Variants in ZNF536 observed in about 807,000 individuals in gnomAD.
The protein encoded by ZNF536 is zinc finger protein 536.
ZNF536 carries 13 observed loss-of-function variants against 84.5 expected under a neutral mutation model. The observed-to-expected ratio is 0.15, with a 90% CI of 0.10 to 0.24. The LOEUF (loss-of-function observed/expected upper bound fraction) is 0.24, where lower values mean the gene tolerates loss of function less well. Among genes scored for constraint, ZNF536 ranks in the 10% least tolerant of loss-of-function variants. The pLI is 1.00. For synonymous variants in ZNF536, 811 were observed against 742.5 expected, an observed-to-expected ratio of 1.09 and a Z score of -1.50; for missense variants, 1,536 against 1,747.5, an observed-to-expected ratio of 0.88 and a Z score of 2.16.
chr19:30,479,174 G>A lies in ZNF536; in HGVS notation c.2170+33442G>A, dbSNP rs1801942697. ...CAGTTTACTTTTCTCTCTCTCATCC[G>A]GAGCTCAATCGGTGTTGGGCACAAG... On this transcript the variant is annotated intron_variant, in intron 2 of 4. Coordinates refer to ENST00000355537, the MANE Select transcript of ZNF536 (RefSeq NM_014717.3). 3.3e-5 allele frequency among the ~76,000 whole-genome samples: 5 copies of A among 152,026 alleles called. No homozygotes were observed. In the South Asian group the frequency reaches 8.3e-4, roughly 25 times the overall value.
At chr19:30,281,623 G>A (rs2045447894) in intron 1 of ZNF536, among the ~76,000 whole-genome samples, 1 of 152,184 alleles carries the variant, frequency 6.6e-6, no homozygotes, top group Admixed American at 6.5e-5. Flanking sequence ...GGCCTCCTAA[G>A]CTCATCCATG....
intron 1 of ZNF536, among the ~76,000 whole-genome samples, chr19:30,242,324 A>G (rs2023995139): frequency 6.6e-6 from 1 of 152,094 alleles, no homozygotes; most frequent in African/African-American, 2.4e-5. Flanking sequence ...TTCACAAGGG[A>G]GTCTGTGATG....
chr19:30,251,473 G>A (rs1157567579), intron 1 of ZNF536, among the ~76,000 whole-genome samples: 2 of 152,130 alleles, frequency 1.3e-5, no homozygotes, highest in Non-Finnish European at 2.9e-5. Context: ...TCCTGCTGAT[G>A]GTTCCCAGGG....
chr19:30,261,697 CAAAAA>C (rs56820609), intron 1 of ZNF536, among the ~76,000 whole-genome samples: 7 of 99,914 alleles, frequency 7.0e-5, no homozygotes, highest in Admixed American at 2.1e-4. Context: ...GGACCTTGTC[CAAAAA>C]AAAAAAAAAA....
At chr19:30,482,073 A>G (rs1383900416) in intron 2 of ZNF536, among the ~76,000 whole-genome samples, 1 of 152,176 alleles carries the variant, frequency 6.6e-6, no homozygotes, top group Non-Finnish European at 1.5e-5. Context: ...ATCAGTGGGT[A>G]CTTAGGTTGA....
chr19:30,643,072 G>T (rs572496559), intron 1 of ZNF536, among the ~76,000 whole-genome samples: 6 of 152,192 alleles, frequency 3.9e-5, no homozygotes, highest in Non-Finnish European at 8.8e-5. Context: ...CATAAGTAAA[G>T]CCAGATTTGC....
chr19:30,413,703 G>A (rs949224316), intron 1 of ZNF536, among the ~76,000 whole-genome samples: 2 of 152,086 alleles, frequency 1.3e-5, no homozygotes, highest in African/African-American at 4.8e-5. Flanking sequence ...TTTGCATTAT[G>A]TATTTTATAG....
intron 1 of ZNF536, among the ~76,000 whole-genome samples, chr19:30,702,276 C>T (rs1409747648): frequency 6.6e-6 from 1 of 152,254 alleles, no homozygotes; most frequent in Non-Finnish European, 1.5e-5. Context: ...ACCCTCCGCA[C>T]TGTATACATA....
At chr19:30,235,894 C>T (rs1170359335) in intron 1 of ZNF536, among the ~76,000 whole-genome samples, 6 of 152,264 alleles carry the variant, frequency 3.9e-5, no homozygotes, top group African/African-American at 1.2e-4. Context: ...GCTATTTCAG[C>T]AGCCTTAAAT....
At chr19:30,625,684 G>T (rs2048649121) in intron 1 of ZNF536, among the ~76,000 whole-genome samples, 1 of 152,142 alleles carries the variant, frequency 6.6e-6, no homozygotes, top group South Asian at 2.1e-4. Flanking sequence ...CATTCAGGGA[G>T]CTCCCCAGCC....
chr19:30,646,936 T>A (rs1173771655), intron 1 of ZNF536, among the ~76,000 whole-genome samples: 1 of 152,148 alleles, frequency 6.6e-6, no homozygotes, highest in African/African-American at 2.4e-5. Context: ...TCCTAATCTC[T>A]TCATAGTAAT....
chr19:30,352,647 C>T (rs2047968669), intron 3 of ZNF536, among the ~76,000 whole-genome samples: 2 of 152,272 alleles, frequency 1.3e-5, no homozygotes, highest in South Asian at 4.2e-4. Flanking sequence ...GATAGGAGTC[C>T]CGTACCTGCC....
At chr19:30,469,405 C>A (rs551376055) in intron 2 of ZNF536, among the ~76,000 whole-genome samples, 2 of 151,890 alleles carry the variant, frequency 1.3e-5, no homozygotes, top group Admixed American at 1.3e-4. Flanking sequence ...GAGTGAGACT[C>A]CATCTCAAAA....
chr19:30,685,093 T>C (rs2051122371), intron 1 of ZNF536, among the ~76,000 whole-genome samples: 1 of 152,182 alleles, frequency 6.6e-6, no homozygotes, highest in South Asian at 2.1e-4. Flanking sequence ...CCCCTTATCC[T>C]TTTGGATAAC....
chr19:30,694,542 A>C (rs1020665196), intron 1 of ZNF536, among the ~76,000 whole-genome samples: 1 of 152,214 alleles, frequency 6.6e-6, no homozygotes, highest in Non-Finnish European at 1.5e-5. Context: ...GGCAGCGGGA[A>C]TAAGTGGGAC....
intron 1 of ZNF536, among the ~76,000 whole-genome samples, chr19:30,699,424 T>G (rs2051800903): frequency 6.6e-6 from 1 of 152,220 alleles, no homozygotes; most frequent in South Asian, 2.1e-4. Context: ...AAGTACATTT[T>G]TTTTTGGGTA....
At chr19:30,308,056 C>A (rs942471940) in intron 2 of ZNF536, among the ~76,000 whole-genome samples, 1 of 152,168 alleles carries the variant, frequency 6.6e-6, no homozygotes, top group Admixed American at 6.5e-5. Context: ...TATGCTAAGG[C>A]CTGTATTAAC....
At chr19:30,634,612 C>T (rs1042463795) in intron 1 of ZNF536, among the ~76,000 whole-genome samples, 2 of 152,110 alleles carry the variant, frequency 1.3e-5, no homozygotes, top group African/African-American at 4.8e-5. Flanking sequence ...GATGATAAAA[C>T]ACCATTGATT....
chr19:30,493,998 A>T (rs2054614599), intron 2 of ZNF536, among the ~76,000 whole-genome samples: 1 of 152,188 alleles, frequency 6.6e-6, no homozygotes, highest in African/African-American at 2.4e-5. Context: ...TAGTTAAAAT[A>T]TTAATAGCAA....
Sources: allele counts gnomAD v4.1 joint callset (sites outside exome capture counted in the v4.1 genomes callset), GRCh38; gene constraint gnomAD v4.1.1; transcripts MANE v1.5; gene names NCBI Gene and HGNC (gene_info 2026-07-23, HGNC 2026-07-21).